Variants in MALRD1 observed in about 807,000 individuals in gnomAD.
MALRD1 encodes the protein MAM and LDL-receptor class A domain-containing protein 1.
MALRD1 carries 247 observed loss-of-function variants against 242.1 expected under a neutral mutation model. That is an observed-to-expected ratio of 1.02 (90% CI 0.92 to 1.13). MALRD1 has a LOEUF of 1.13. MALRD1 is among the 50% of genes most tolerant of loss of function. The probability of loss-of-function intolerance (pLI) is 0.00; values close to 1 mark genes in which losing one functional copy is unlikely to be tolerated. For missense variants in MALRD1, 2,989 were observed against 2,533.1 expected (o/e 1.18, Z -3.86); for synonymous variants, 995 against 866.6 (o/e 1.15, Z -2.60).
At chr10:19,309,473 T>C (rs191922926) in intron 21 of MALRD1, among the ~76,000 whole-genome samples, 2 of 151,604 alleles carry the variant, frequency 1.3e-5, no homozygotes, top group African/African-American at 4.8e-5. Context: ...AGTAGTGTTA[T>C]GGGCCACTAT....
intron 5 of MALRD1, among the ~76,000 whole-genome samples, chr10:19,109,613 A>G (rs1836604191): frequency 6.6e-6 from 1 of 152,254 alleles, no homozygotes; most frequent in Non-Finnish European, 1.5e-5. Flanking sequence ...TCACAGAAGT[A>G]GATAGCTATA....
At chr10:19,441,451 T>C (rs1228151022) in intron 28 of MALRD1, among the ~76,000 whole-genome samples, 2 of 152,242 alleles carry the variant, frequency 1.3e-5, no homozygotes, top group Non-Finnish European at 2.9e-5. Context: ...CTAGGTTTTC[T>C]TCTAGGATTT....
At chr10:19,560,046 T>C (rs1388919189) in intron 32 of MALRD1, among the ~76,000 whole-genome samples, 1 of 152,216 alleles carries the variant, frequency 6.6e-6, no homozygotes, top group Non-Finnish European at 1.5e-5. Context: ...GTTAGGAGTG[T>C]AAATTAGTTC....
intron 18 of MALRD1, among the ~76,000 whole-genome samples, chr10:19,250,782 A>C (rs1486848823): frequency 6.6e-6 from 1 of 152,000 alleles, no homozygotes; most frequent in East Asian, 1.9e-4. Flanking sequence ...TTTAGATTCC[A>C]AAGTAAAGAT....
chr10:19,205,914 T>TA (rs1170210046), intron 17 of MALRD1, among the ~76,000 whole-genome samples: 1 of 151,390 alleles, frequency 6.6e-6, no homozygotes, highest in East Asian at 1.9e-4. Context: ...AATAGGATTT[T>TA]TTTTTTTTTT....
intron 33 of MALRD1, among the ~76,000 whole-genome samples, chr10:19,585,560 C>G (rs952604715): frequency 7.9e-5 from 12 of 152,138 alleles, no homozygotes; most frequent in Non-Finnish European, 1.3e-4. Flanking sequence ...GGCCCCCACT[C>G]TCTTCTGGCT....
chr10:19,638,999 G>T (rs1233628836), intron 36 of MALRD1, among the ~76,000 whole-genome samples: 1 of 151,868 alleles, frequency 6.6e-6, no homozygotes, highest in Non-Finnish European at 1.5e-5. Flanking sequence ...TGGGAGCGGG[G>T]TGAAGGTTGG....
chr10:19,453,975 G>C (rs1341479030), intron 29 of MALRD1, among the ~76,000 whole-genome samples: 1 of 152,158 alleles, frequency 6.6e-6, no homozygotes, highest in African/African-American at 2.4e-5. Flanking sequence ...AATTGCAAGA[G>C]GCTAAGCCCA....
In MALRD1 at chr10:19,479,302, C is replaced by A. The variant is rs187930488; in HGVS notation, c.5030-12215C>A. On this transcript the variant is annotated intron_variant, in intron 29 of 39. Transcript: ENST00000454679. ...TGTGCTATAATTAGGATATCTGGAG[C>A]CCCAGGAGAGCCAGATGGATAGATG... Among the ~76,000 whole-genome samples the A allele has an allele frequency of 1.7e-3, 266 of 152,206 alleles. 1 individual carries two copies. The highest frequency in any genetic ancestry group is 6.1e-3 in the African/African-American group (253 of 41,520).
intron 19 of MALRD1, among the ~76,000 whole-genome samples, chr10:19,260,293 A>T (rs2131815739): frequency 6.6e-6 from 1 of 152,258 alleles, no homozygotes; most frequent in Admixed American, 6.5e-5. Flanking sequence ...AGATAGATAG[A>T]CAGACAGATA....
chr10:19,423,938 A>G (rs545931610), intron 28 of MALRD1, among the ~76,000 whole-genome samples: 15 of 152,298 alleles, frequency 9.8e-5, no homozygotes, highest in South Asian at 2.1e-4. Flanking sequence ...TTTCATATGG[A>G]TCATTTATGT....
chr10:19,269,452 A>G (rs988903071), intron 19 of MALRD1, among the ~76,000 whole-genome samples: 2 of 152,254 alleles, frequency 1.3e-5, no homozygotes, highest in Admixed American at 1.3e-4. Context: ...AGTATTTGCA[A>G]AGTTAAATGA....
At chr10:19,255,049 C>G (rs535832902) in intron 18 of MALRD1, among the ~76,000 whole-genome samples, 1 of 152,088 alleles carries the variant, frequency 6.6e-6, no homozygotes, top group East Asian at 1.9e-4. Context: ...CCTCAAAGTT[C>G]CAACGTGGTT....
chr10:19,657,701 T>G (rs1449428575), intron 36 of MALRD1, among the ~76,000 whole-genome samples: 1 of 152,200 alleles, frequency 6.6e-6, no homozygotes, highest in Non-Finnish European at 1.5e-5. Flanking sequence ...AAACAACCAA[T>G]TATACTCTGT....
intron 14 of MALRD1, among the ~76,000 whole-genome samples, chr10:19,187,119 C>T (rs1176672623): frequency 6.6e-6 from 1 of 152,164 alleles, no homozygotes; most frequent in East Asian, 1.9e-4. Context: ...CTTTTAAGCA[C>T]TTACTTTATA....
At chr10:19,266,597 C>G (rs781105158) in intron 19 of MALRD1, among the ~76,000 whole-genome samples, 21 of 151,804 alleles carry the variant, frequency 1.4e-4, no homozygotes, top group Admixed American at 1.3e-4. Flanking sequence ...AGAATACACA[C>G]TAGTACTGTA....
rs538457381 is a variant in MALRD1, at chr10:19,238,357, A to T, written c.2992-19327A>T. 2.1e-4 allele frequency among the ~76,000 whole-genome samples: 18 copies of T among 84,772 alleles called. 1 individual carries two copies. Among genetic ancestry groups the T allele is most frequent in the South Asian group, 8.0e-4 (2 of 2,486 alleles). The allele number at this position is 84,772 out of a possible 152,430, so 55.6% of individuals were successfully genotyped here. ...ACATAATATATTATACATAATATATAATACATAATATATATTATACATAAT... is the reference window on the plus strand; with the variant it reads ...ACATAATATATTATACATAATATATTATACATAATATATATTATACATAAT... On this transcript the variant is annotated intron_variant, in intron 18 of 39. Coordinates refer to ENST00000454679, the MANE Select transcript of MALRD1 (RefSeq NM_001142308.3).
intron 21 of MALRD1, among the ~76,000 whole-genome samples, chr10:19,294,347 T>G (rs1588868611): frequency 6.6e-6 from 1 of 152,296 alleles, no homozygotes; most frequent in South Asian, 2.1e-4. Context: ...AGGCAAGAAC[T>G]TGAACAAATG....
At chr10:19,510,248 C>T in intron 31 of MALRD1, among the ~76,000 whole-genome samples, 1 of 152,176 alleles carries the variant, frequency 6.6e-6, no homozygotes, top group East Asian at 1.9e-4. Context: ...TGAGACATTC[C>T]ATTGCCAAGG....
Sources: gnomAD v4.1 joint callset for allele counts (sites outside exome capture counted in the v4.1 genomes callset) on GRCh38, gnomAD v4.1.1 for gene constraint, MANE v1.5 for transcripts, NCBI Gene and HGNC (gene_info 2026-07-23, HGNC 2026-07-21) for gene names.